The following GRIK1 variants were observed in gnomAD, a reference collection of about 807,000 sequenced individuals.
The protein encoded by GRIK1 is glutamate receptor ionotropic, kainate 1.
A neutral mutation model predicts 105.7 loss-of-function variants in GRIK1; 69 were observed. That is an observed-to-expected ratio of 0.65 (90% CI 0.54 to 0.80). The LOEUF (loss-of-function observed/expected upper bound fraction) is 0.80. Among genes scored for constraint, GRIK1 ranks in the 30% least tolerant of loss-of-function variants. GRIK1 has a pLI of 0.00. For missense variants in GRIK1, 1,109 were observed against 1,167.3 expected (o/e 0.95, Z 0.73); for synonymous variants, 438 against 431.3 (o/e 1.02, Z -0.19).
chr21:29,559,342 T>A (rs2090335985), intron 15 of GRIK1, among the ~76,000 whole-genome samples: 1 of 152,208 alleles, frequency 6.6e-6, no homozygotes, highest in African/African-American at 2.4e-5. Context: ...GACATTGTTT[T>A]GAAAGTCAAA....
chr21:29,669,358 G>A (rs2063121633), intron 4 of GRIK1, among the ~76,000 whole-genome samples: 1 of 152,178 alleles, frequency 6.6e-6, no homozygotes, highest in Admixed American at 6.5e-5. Flanking sequence ...CACATAAAGA[G>A]GGTACCACAT....
intron 1 of GRIK1, among the ~76,000 whole-genome samples, chr21:29,788,132 G>A (rs906808613): frequency 5.9e-5 from 9 of 152,118 alleles, no homozygotes; most frequent in African/African-American, 9.7e-5. Context: ...TCTTTCTAGA[G>A]CTCACATTTC....
intron 1 of GRIK1, among the ~76,000 whole-genome samples, chr21:29,869,158 C>G (rs193011758): frequency 8.6e-5 from 13 of 151,936 alleles, no homozygotes; most frequent in Admixed American, 7.9e-4. Flanking sequence ...TTTTCACAGA[C>G]CTTTTCCGAC....
At chr21:29,758,183 G>A (rs1356707187) in intron 1 of GRIK1, among the ~76,000 whole-genome samples, 1 of 152,184 alleles carries the variant, frequency 6.6e-6, no homozygotes, top group African/African-American at 2.4e-5. Context: ...TGCCAAAGAG[G>A]AAAACAAACT....
chr21:29,648,934 T>G (rs1262472598), intron 6 of GRIK1, among the ~76,000 whole-genome samples: 4 of 152,206 alleles, frequency 2.6e-5, no homozygotes, highest in African/African-American at 7.2e-5. Context: ...ACCAAAGGAC[T>G]TTTTATCTTT....
intron 1 of GRIK1, among the ~76,000 whole-genome samples, chr21:29,825,771 C>T (rs574880014): frequency 8.5e-5 from 13 of 152,118 alleles, no homozygotes; most frequent in African/African-American, 2.6e-4. Flanking sequence ...TAAATTACTG[C>T]CAAATACTAT....
At chr21:29,646,682 G>A (rs2062626482) in intron 6 of GRIK1, among the ~76,000 whole-genome samples, 1 of 152,174 alleles carries the variant, frequency 6.6e-6, no homozygotes, top group Non-Finnish European at 1.5e-5. Context: ...AGATTGGGGT[G>A]CTGAAGAGAG....
intron 1 of GRIK1, among the ~76,000 whole-genome samples, chr21:29,937,760 C>A (rs910214300): frequency 1.3e-5 from 2 of 151,362 alleles, no homozygotes; most frequent in African/African-American, 4.9e-5. Flanking sequence ...GAAATTATAA[C>A]ACACACGCTC....
intron 1 of GRIK1, among the ~76,000 whole-genome samples, chr21:29,863,444 C>T (rs2068708172): frequency 6.6e-6 from 1 of 152,126 alleles, no homozygotes; most frequent in African/African-American, 2.4e-5. Context: ...TCTATTTTAC[C>T]TTTCAGATTA....
chr21:29,642,978 G>GA lies in GRIK1; in HGVS notation c.955-10dup. Reference sequence around the variant, plus strand: ...ATCAGAGCCGCTTCAGTCTGTGGAGGAAAACACACACCGCATCTTAAATTC... The same window carrying GA: ...ATCAGAGCCGCTTCAGTCTGTGGAGGAAAAACACACACCGCATCTTAAATTC... On this transcript the variant is annotated splice_polypyrimidine_tract_variant and intron_variant, in intron 6 of 17. Transcript: ENST00000327783. The GA allele has an allele frequency of 1.9e-6, 3 of 1,611,340 alleles. No individual in the cohort carries two copies. Among genetic ancestry groups the GA allele is most frequent in the Non-Finnish European group, 2.5e-6 (3 of 1,178,376 alleles).
rs554013808 is a variant in GRIK1, at chr21:29,865,842, C to T, written c.118+73541G>A. 1.4e-4 allele frequency among the ~76,000 whole-genome samples: 22 copies of T among 152,270 alleles called. No homozygotes were observed. The South Asian group carries it at 4.4e-3, about 30-fold the overall frequency. ...CACAAATCTATAGTGTGGCATGACC[C>T]CCAAATGTGCAAATATGTTTGTATA... On this transcript the variant is annotated intron_variant, in intron 1 of 17. Coordinates refer to ENST00000327783, the MANE Select transcript of GRIK1 (RefSeq NM_001330994.2).
At chr21:29,539,819 T>C (rs898037009) in intron 16 of GRIK1, among the ~76,000 whole-genome samples, 4 of 152,190 alleles carry the variant, frequency 2.6e-5, no homozygotes, top group South Asian at 2.1e-4. Context: ...AAATTTACTA[T>C]TGGAGACATT....
At chr21:29,669,657 C>T (rs2063127256) in intron 4 of GRIK1, among the ~76,000 whole-genome samples, 1 of 152,138 alleles carries the variant, frequency 6.6e-6, no homozygotes, top group Admixed American at 6.5e-5. Flanking sequence ...AGTTGCCTCA[C>T]CTCGAAAGTG....
intron 11 of GRIK1, among the ~76,000 whole-genome samples, chr21:29,588,259 ATCAC>A (rs1337228688): frequency 1.3e-5 from 2 of 152,072 alleles, no homozygotes; most frequent in African/African-American, 4.8e-5. Context: ...TAATTTAAGA[ATCAC>A]TCAAGTTTAT....
chr21:29,696,493 G>A (rs2063704255), intron 1 of GRIK1, among the ~76,000 whole-genome samples: 1 of 152,206 alleles, frequency 6.6e-6, no homozygotes, highest in Admixed American at 6.5e-5. Context: ...AACTGTTGGT[G>A]GATGCTCAAC....
At chr21:29,584,595 A>G (rs1806810171) in intron 12 of GRIK1, among the ~76,000 whole-genome samples, 1 of 152,198 alleles carries the variant, frequency 6.6e-6, no homozygotes, top group Admixed American at 6.6e-5. Context: ...CAGTTCAACA[A>G]ATAATTTTTA....
At position 29,759,618 on chromosome 21, in the gene GRIK1, G is replaced by A. The variant is rs80195414; in HGVS notation, c.119-65555C>T. Among the ~76,000 whole-genome samples, 344 of 152,316 alleles carry A rather than the reference G, an allele frequency of 2.3e-3. 7 individuals carry two copies. In the East Asian group the frequency reaches 0.043, roughly 19 times the overall value. On this transcript the variant is annotated intron_variant, in intron 1 of 17. Transcript: ENST00000327783. The stretch of plus-strand genomic sequence containing the variant: ...AGACATGATCAGAAAGAGAATGGAA[G>A]GAAGATGTGGAGAGGGAGAACAGAA...
At chr21:29,720,209 T>G (rs2064285670) in intron 1 of GRIK1, among the ~76,000 whole-genome samples, 1 of 152,238 alleles carries the variant, frequency 6.6e-6, no homozygotes, top group African/African-American at 2.4e-5. Context: ...TAAAACTGTG[T>G]GCACATATTT....
At chr21:29,755,307 G>A (rs1283320377) in intron 1 of GRIK1, among the ~76,000 whole-genome samples, 1 of 152,214 alleles carries the variant, frequency 6.6e-6, no homozygotes, top group East Asian at 1.9e-4. Context: ...GCATAAGGCA[G>A]ATTAATTGCC....
Sources: gnomAD v4.1 joint callset for allele counts (sites outside exome capture counted in the v4.1 genomes callset) on GRCh38, gnomAD v4.1.1 for gene constraint, MANE v1.5 for transcripts, NCBI Gene and HGNC (gene_info 2026-07-23, HGNC 2026-07-21) for gene names.